The following CDKAL1 variants were observed in gnomAD, a reference collection of about 807,000 sequenced individuals.
CDKAL1 encodes CDKAL1 threonylcarbamoyladenosine tRNA methylthiotransferase.
A neutral mutation model predicts 68.2 loss-of-function variants in CDKAL1; 32 were observed. The ratio of observed to expected loss-of-function variants is 0.47; its 90% CI spans 0.35 to 0.63. The LOEUF is 0.63. CDKAL1 is among the 30% of genes least tolerant of loss of function. CDKAL1 has a pLI of 0.00. For missense variants in CDKAL1, 606 were observed against 696.7 expected, an observed-to-expected ratio of 0.87 and a Z score of 1.47; for synonymous variants, 234 against 244.3, an observed-to-expected ratio of 0.96 and a Z score of 0.39.
chr6:21,129,130 A>C (rs1368721940), intron 13 of CDKAL1, among the ~76,000 whole-genome samples: 2 of 152,240 alleles, frequency 1.3e-5, no homozygotes, highest in Non-Finnish European at 2.9e-5. Context: ...CAGTGCTCTG[A>C]ATGTAGTAAG....
chr6:20,562,248 G>GTT (rs77179708), intron 4 of CDKAL1, among the ~76,000 whole-genome samples: 1 of 151,582 alleles, frequency 6.6e-6, no homozygotes, highest in Non-Finnish European at 1.5e-5. Context: ...CATTCTCTTT[G>GTT]TTTTTTTTCT....
chr6:21,104,599 T>TA (rs765175463), intron 12 of CDKAL1, among the ~76,000 whole-genome samples: 48 of 152,110 alleles, frequency 3.2e-4, no homozygotes, highest in Non-Finnish European at 6.9e-4. Context: ...TTCCAGAAGA[T>TA]ACTCCACTGG....
chr6:20,734,042 A>G (rs149147187), intron 5 of CDKAL1, among the ~76,000 whole-genome samples: 2,398 of 151,760 alleles, frequency 0.016, 51 homozygotes, highest in African/African-American at 0.048. Context: ...CCAACTACTC[A>G]GGAGGCTGAG....
At chr6:21,120,763 G>A (rs1774671132) in intron 13 of CDKAL1, among the ~76,000 whole-genome samples, 1 of 152,024 alleles carries the variant, frequency 6.6e-6, no homozygotes, top group African/African-American at 2.4e-5. Context: ...ATTTCAAACA[G>A]TACCTAAAGA....
chr6:21,091,914 G>T (rs1350372569), intron 12 of CDKAL1, among the ~76,000 whole-genome samples: 49 of 122,956 alleles, frequency 4.0e-4, no homozygotes, highest in Admixed American at 9.3e-4. Flanking sequence ...TGAGACGGAG[G>T]CTCGCTGTGT....
intron 5 of CDKAL1, among the ~76,000 whole-genome samples, chr6:20,734,863 C>CTTTTTTTTTT (rs34104100): frequency 2.3e-5 from 2 of 87,696 alleles, no homozygotes; most frequent in Admixed American, 1.5e-4. Flanking sequence ...TGCTGCACCT[C>CTTTTTTTTTT]TTTTTTTTTT....
chr6:21,014,328 G>T (rs1361844695), intron 11 of CDKAL1, among the ~76,000 whole-genome samples: 1 of 152,200 alleles, frequency 6.6e-6, no homozygotes, highest in African/African-American at 2.4e-5. Flanking sequence ...CTCGGGCCGG[G>T]TGTGGTGGCT....
intron 7 of CDKAL1, among the ~76,000 whole-genome samples, chr6:20,774,312 G>A (rs1481722085): frequency 6.6e-6 from 1 of 152,206 alleles, no homozygotes; most frequent in East Asian, 1.9e-4. Context: ...ACTTTAGAAC[G>A]TGAGAACCAA....
At chr6:20,620,870 C>T (rs749603598) in intron 4 of CDKAL1, among the ~76,000 whole-genome samples, 10 of 151,976 alleles carry the variant, frequency 6.6e-5, no homozygotes, top group East Asian at 1.9e-4. Context: ...TATATTAGTA[C>T]GGTATGTTTG....
At chr6:20,812,707 T>C (rs559223821) in intron 8 of CDKAL1, among the ~76,000 whole-genome samples, 2 of 152,330 alleles carry the variant, frequency 1.3e-5, no homozygotes, top group South Asian at 4.1e-4. Flanking sequence ...TGTATCATTG[T>C]ATATATGATG....
intron 5 of CDKAL1, among the ~76,000 whole-genome samples, chr6:20,719,417 C>T (rs1403480999): frequency 1.3e-5 from 2 of 152,116 alleles, no homozygotes; most frequent in Admixed American, 6.5e-5. Flanking sequence ...TTTGTTTCTA[C>T]TAATACGAGT....
chr6:21,225,892 C>G (rs1214367502), intron 15 of CDKAL1, among the ~76,000 whole-genome samples: 3 of 152,184 alleles, frequency 2.0e-5, no homozygotes, highest in Non-Finnish European at 4.4e-5. Flanking sequence ...ATAAGTTAAT[C>G]TGAATTGACA....
At chr6:21,216,049 G>A (rs1164746857) in intron 15 of CDKAL1, among the ~76,000 whole-genome samples, 5 of 152,168 alleles carry the variant, frequency 3.3e-5, no homozygotes. Flanking sequence ...GATGGAAGCA[G>A]GCTGTGAGCC....
intron 4 of CDKAL1, among the ~76,000 whole-genome samples, chr6:20,621,075 T>C (rs1400920405): frequency 1.3e-5 from 2 of 152,108 alleles, no homozygotes; most frequent in African/African-American, 4.8e-5. Context: ...CCACTCTACC[T>C]TACTGCTGCC....
At chr6:20,784,454 C>T (rs1392324051) in intron 8 of CDKAL1, among the ~76,000 whole-genome samples, 2 of 55,620 alleles carry the variant, frequency 3.6e-5, no homozygotes, top group Non-Finnish European at 6.7e-5. Flanking sequence ...GACAGAGTCT[C>T]ACTCTGTCAC....
At chr6:20,730,392 G>GAAGAAAGGAAGAAAGAGAAAGAAAGAA (rs1417400302) in intron 5 of CDKAL1, among the ~76,000 whole-genome samples, 2 of 146,034 alleles carry the variant, frequency 1.4e-5, no homozygotes, top group Non-Finnish European at 3.0e-5. Context: ...GAAAAAAAAG[G>GAAGAAAGGAAGAAAGAGAAAGAAAGAA]AAGAAAGGAA....
intron 11 of CDKAL1, among the ~76,000 whole-genome samples, chr6:21,057,934 A>G (rs991880916): frequency 1.3e-5 from 2 of 152,214 alleles, no homozygotes; most frequent in African/African-American, 4.8e-5. Context: ...ACTTCCAATT[A>G]TGTGATAAAT....
intron 7 of CDKAL1, among the ~76,000 whole-genome samples, chr6:20,776,358 C>A (rs1285033979): frequency 6.6e-6 from 1 of 152,126 alleles, no homozygotes; most frequent in Non-Finnish European, 1.5e-5. Context: ...ATCCAACATG[C>A]CAAATGCTTG....
chr6:20,608,643 A>G lies in CDKAL1; in HGVS notation c.287-40650A>G, dbSNP rs142846939. Among the ~76,000 whole-genome samples, 296 of 152,306 alleles carry G rather than the reference A, an allele frequency of 1.9e-3. 2 individuals carry two copies. Among genetic ancestry groups the G allele is most frequent in the African/African-American group, 6.9e-3 (288 of 41,570 alleles). The stretch of plus-strand genomic sequence containing the variant: ...TTGTGAGCATGGGATAAATGCGAAT[A>G]TGTCTGAAGTTGCCCGCAGTCAAAT... On this transcript the variant is annotated intron_variant, in intron 4 of 15. Transcript: ENST00000274695.
Sources: gnomAD v4.1 joint callset for allele counts (sites outside exome capture counted in the v4.1 genomes callset) on GRCh38, gnomAD v4.1.1 for gene constraint, MANE v1.5 for transcripts, NCBI Gene and HGNC (gene_info 2026-07-23, HGNC 2026-07-21) for gene names.